Variants in DPYSL5 observed in about 807,000 individuals in gnomAD.
DPYSL5 encodes dihydropyrimidinase-related protein 5.
Under a neutral mutation model 58.4 loss-of-function variants are expected in DPYSL5, and 9 were observed. The observed-to-expected ratio is 0.15, with a 90% CI of 0.09 to 0.27. DPYSL5 has a LOEUF of 0.27. Among genes scored for constraint, DPYSL5 ranks in the 10% least tolerant of loss-of-function variants. The pLI, the probability that DPYSL5 is intolerant of heterozygous loss-of-function variation, is 1.00. For synonymous variants in DPYSL5, 293 were observed against 301.9 expected, an observed-to-expected ratio of 0.97 and a Z score of 0.31; for missense variants, 499 against 770.6, an observed-to-expected ratio of 0.65 and a Z score of 4.17.
chr2:26,894,716 C>T (rs1239291966), intron 1 of DPYSL5, among the ~76,000 whole-genome samples: 1 of 152,204 alleles, frequency 6.6e-6, no homozygotes, highest in Non-Finnish European at 1.5e-5. Context: ...CTCAGCCATG[C>T]TCCTTGGGCC....
At chr2:26,906,940 T>C (rs563254564) in intron 2 of DPYSL5, among the ~76,000 whole-genome samples, 3 of 152,138 alleles carry the variant, frequency 2.0e-5, no homozygotes, top group African/African-American at 7.2e-5. Context: ...TTTTTATTTT[T>C]ATTTTTTGTA....
At position 26,925,012 on chromosome 2, in the gene DPYSL5, C is replaced by A. The variant is rs756757278; in HGVS notation, c.387C>A (p.Ala129=). The A allele has an allele frequency of 1.2e-6, 2 of 1,614,116 alleles. No individual in the cohort carries two copies. The highest frequency in any genetic ancestry group is 1.7e-6 in the Non-Finnish European group (2 of 1,180,000). The change falls in exon 3 of 13, where the codon GCC becomes GCA. Residue 129 remains alanine, a synonymous_variant. Transcript: ENST00000288699. The surrounding 1 kb of genome is among the most constrained non-coding windows in gnomAD (Gnocchi z 4.5). ...LADPKVCCDY[A]LHVGITWWAP... is the part of the protein sequence containing the mutation. ...ACCCCAAGGTCTGCTGTGATTACGC[C>A]CTCCACGTGGGGATCACCTGGTGGG...
chr2:26,920,504 G>A (rs1664677055), intron 2 of DPYSL5, among the ~76,000 whole-genome samples: 1 of 152,164 alleles, frequency 6.6e-6, no homozygotes, highest in Non-Finnish European at 1.5e-5. Context: ...GGTGGCTCAC[G>A]TCGATAACCG....
intron 12 of DPYSL5, among the ~76,000 whole-genome samples, chr2:26,946,130 C>T (rs539875963): frequency 9.2e-5 from 14 of 152,232 alleles, no homozygotes; most frequent in African/African-American, 1.7e-4. Flanking sequence ...TTGCCAGTCC[C>T]GGAGGCATGG....
rs1246518260 is a variant in DPYSL5, at chr2:26,925,544, G to GC, written c.420+500dup. ...ATGCTTTTTTCCTACTGGGGGCCCA[G>GC]CTTCTGCTCTGAGAAGCATCGAGGC... is the stretch of plus-strand genomic sequence containing the variant. On this transcript the variant is annotated intron_variant, in intron 3 of 12. Coordinates refer to ENST00000288699, the MANE Select transcript of DPYSL5 (RefSeq NM_020134.4). The surrounding 1 kb of genome is among the most constrained non-coding windows in gnomAD (Gnocchi z 4.5). Among the ~76,000 whole-genome samples the GC allele has an allele frequency of 3.3e-5, 5 of 152,236 alleles. No homozygotes were observed. Among genetic ancestry groups the GC allele is most frequent in the African/African-American group, 1.2e-4 (5 of 41,466 alleles).
intron 1 of DPYSL5, among the ~76,000 whole-genome samples, chr2:26,876,826 G>T (rs537226716): frequency 6.6e-6 from 1 of 150,850 alleles, no homozygotes; most frequent in African/African-American, 2.4e-5. Context: ...ATGATGTCCA[G>T]ATTAATGGTT....
chr2:26,917,614 G>C (rs1664599445), intron 2 of DPYSL5, among the ~76,000 whole-genome samples: 1 of 152,178 alleles, frequency 6.6e-6, no homozygotes, highest in African/African-American at 2.4e-5. Flanking sequence ...ATCAGAGAAA[G>C]GGCCAAGTGG....
chr2:26,936,544 T>C (rs552798354), intron 8 of DPYSL5, among the ~76,000 whole-genome samples: 1 of 152,290 alleles, frequency 6.6e-6, no homozygotes, highest in East Asian at 1.9e-4. Context: ...CCCATAGCCT[T>C]GGTGGGTGCC....
At chr2:26,865,757 C>CT (rs1444614471) in intron 1 of DPYSL5, among the ~76,000 whole-genome samples, 1 of 152,146 alleles carries the variant, frequency 6.6e-6, no homozygotes. Flanking sequence ...TAGCTCATGG[C>CT]TTTTTTGTGT....
At chr2:26,882,770 A>C (rs1369805959) in intron 1 of DPYSL5, among the ~76,000 whole-genome samples, 1 of 152,042 alleles carries the variant, frequency 6.6e-6, no homozygotes, top group South Asian at 2.1e-4. Context: ...TAAATTAGCC[A>C]GAGGTGGTGG....
chr2:26,945,700 G>A (rs2148179869), intron 12 of DPYSL5, among the ~76,000 whole-genome samples: 2 of 152,348 alleles, frequency 1.3e-5, no homozygotes, highest in South Asian at 4.1e-4. Flanking sequence ...GATAAGCCCA[G>A]AGAGAGACCA....
intron 1 of DPYSL5, among the ~76,000 whole-genome samples, chr2:26,870,183 A>G (rs1369553807): frequency 1.3e-5 from 2 of 152,226 alleles, no homozygotes; most frequent in African/African-American, 4.8e-5. Flanking sequence ...TGCTTTACTC[A>G]TTAGAATGAT....
intron 11 of DPYSL5, among the ~76,000 whole-genome samples, chr2:26,943,923 G>A (rs1227583444): frequency 1.3e-5 from 2 of 152,232 alleles, no homozygotes; most frequent in Non-Finnish European, 2.9e-5. Flanking sequence ...AGAGTTGTCA[G>A]ACCAGTAAAG....
At chr2:26,900,465 G>A (rs1056189423) in intron 2 of DPYSL5, among the ~76,000 whole-genome samples, 2 of 152,202 alleles carry the variant, frequency 1.3e-5, no homozygotes, top group South Asian at 2.1e-4. Flanking sequence ...ATACCACATA[G>A]CAATTATCTC....
rs376673783 is a variant in DPYSL5 at position 26,849,552 on chromosome 2, G to C, written c.-5+1298G>C. The stretch of plus-strand genomic sequence containing the variant: ...AACCAGCCGGTAGCGACTCGCTTAG[G>C]GTTTTGTGATCTTCCGCGGCGCCCA... On this transcript the variant is annotated intron_variant, in intron 1 of 12. Transcript: ENST00000288699. This position sits in a 1 kb window ranked among gnomAD's most constrained non-coding sequence, Gnocchi z 6.2. Among the ~76,000 whole-genome samples the C allele has an allele frequency of 1.3e-5, 2 of 152,166 alleles. No homozygotes were observed. The highest frequency in any genetic ancestry group is 3.9e-4 in the East Asian group (2 of 5,158).
At position 26,942,643 on chromosome 2, in the gene DPYSL5, G is replaced by T; in HGVS notation, c.1333G>T (p.Val445Phe). 6.2e-7 allele frequency: 1 copy of T among 1,614,142 alleles called. No homozygotes were observed. The highest frequency in any genetic ancestry group is 8.5e-7 in the Non-Finnish European group (1 of 1,180,032). The change falls in exon 11 of 13, where the codon GTC becomes TTC. Residue 445 changes from valine (V) to phenylalanine (F), a missense_variant. By Grantham distance (50) the Val-to-Phe change is conservative. Around this residue, in one of 3 missense-constraint regions of DPYSL5, gnomAD observed 404 missense variants for 647.6 expected, o/e 0.62. Coordinates refer to ENST00000288699, the MANE Select transcript of DPYSL5 (RefSeq NM_020134.4). The surrounding 1 kb of genome is among the most constrained non-coding windows in gnomAD (Gnocchi z 5.9). ...ACTGGTCACCATCAGCCGGGGGCGC[G>T]TCGTGTATGAGAACGGCGTCTTCAT... The part of the protein sequence containing the change: ...VPLVTISRGR[V>F]VYENGVFMCA...
chr2:26,852,605 C>T (rs879827656), intron 1 of DPYSL5, among the ~76,000 whole-genome samples: 1 of 152,196 alleles, frequency 6.6e-6, no homozygotes, highest in Non-Finnish European at 1.5e-5. Flanking sequence ...CTCCCTCCTC[C>T]CTCGTCACAA....
chr2:26,918,311 G>T (rs947007174), intron 2 of DPYSL5, among the ~76,000 whole-genome samples: 8 of 152,126 alleles, frequency 5.3e-5, no homozygotes, highest in African/African-American at 1.9e-4. Flanking sequence ...TACCATACAT[G>T]CATCACCTCA....
intron 2 of DPYSL5, among the ~76,000 whole-genome samples, chr2:26,900,125 T>C (rs1664119642): frequency 6.6e-6 from 1 of 152,200 alleles, no homozygotes; most frequent in Non-Finnish European, 1.5e-5. Flanking sequence ...AATTACCCCA[T>C]TGAATACACT....
Sources: allele counts gnomAD v4.1 joint callset (sites outside exome capture counted in the v4.1 genomes callset), GRCh38; gene constraint gnomAD v4.1.1; regional missense constraint gnomAD v4.1.1; non-coding constraint Gnocchi (gnomAD v3.1); transcripts MANE v1.5; gene names NCBI Gene and HGNC (gene_info 2026-07-23, HGNC 2026-07-21).